Variants in ARHGEF4 observed in about 807,000 individuals in gnomAD.
The protein encoded by ARHGEF4 is APC-stimulated guanine nucleotide exchange factor 1.
In ARHGEF4, 119 loss-of-function variants were observed where a neutral mutation model predicts 162.0. That is an observed-to-expected ratio of 0.73 (90% CI 0.63 to 0.86). The LOEUF (loss-of-function observed/expected upper bound fraction) is 0.86. ARHGEF4 is among the 40% of genes least tolerant of loss of function. The pLI is 0.00. For synonymous variants in ARHGEF4, 1,014 were observed against 979.9 expected, an observed-to-expected ratio of 1.03 and a Z score of -0.65; for missense variants, 2,488 against 2,456.0, an observed-to-expected ratio of 1.01 and a Z score of -0.28.
chr2:130,911,278 C>T (rs1448260015), intron 1 of ARHGEF4, among the ~76,000 whole-genome samples: 1 of 152,186 alleles, frequency 6.6e-6, no homozygotes, highest in African/African-American at 2.4e-5. Context: ...CCTAAAGCCT[C>T]ATCTAGTTAT....
intron 3 of ARHGEF4, among the ~76,000 whole-genome samples, chr2:130,936,259 A>G (rs1344586213): frequency 6.6e-6 from 1 of 152,164 alleles, no homozygotes; most frequent in African/African-American, 2.4e-5. Context: ...ATGTCCGTTT[A>G]TTATTGGAAG....
chr2:130,882,727 G>A (rs922114677), intron 1 of ARHGEF4, among the ~76,000 whole-genome samples: 3 of 151,868 alleles, frequency 2.0e-5, no homozygotes, highest in African/African-American at 4.9e-5. Flanking sequence ...GACTTCACCC[G>A]TACCCTCTCT....
intron 1 of ARHGEF4, among the ~76,000 whole-genome samples, chr2:130,913,365 T>A (rs1681306738): frequency 6.6e-6 from 1 of 152,258 alleles, no homozygotes; most frequent in African/African-American, 2.4e-5. Flanking sequence ...TATATCTCAA[T>A]AAGTAGTTTA....
rs779356694 is a variant in ARHGEF4, at chr2:130,915,561, G to A, written c.1615G>A (p.Asp539Asn). The change falls in exon 2 of 14, where the codon GAC becomes AAC. Residue 539 changes from aspartate (D) to asparagine (N), a missense_variant. By Grantham distance (23) the Asp-to-Asn change is conservative (BLOSUM62 1). Transcript: ENST00000409359. ...TGAGGGGACCCAGGTGTGGAGTGGA[G>A]ACTTGATGGGCTGCTTGGAAGTGAG... ...SSEGTQVWSG[D>N]LMGCLEVSDS... 7.1e-6 allele frequency: 11 copies of A among 1,550,574 alleles called. 1 individual carries two copies. The South Asian group carries it at 1.3e-4, about 18-fold the overall frequency.
rs555383632 is a variant in ARHGEF4 at position 130,904,219 on chromosome 2, TG to T, written c.40-9766del. Among the ~76,000 whole-genome samples the T allele has an allele frequency of 1.6e-4, 25 of 152,348 alleles. No homozygotes were observed. The East Asian group carries it at 4.6e-3, about 28-fold the overall frequency. On this transcript the variant is annotated intron_variant, in intron 1 of 13. Coordinates refer to ENST00000409359, the MANE Select transcript of ARHGEF4 (RefSeq NM_001367493.1). ...CTTTAGGAACAGCCATCCTGACTGG[TG>T]CATCTCTCTGCTGTCTTGGTGTTGG... is the stretch of plus-strand genomic sequence containing the variant.
chr2:131,033,761 C>A (rs1337086359), intron 5 of ARHGEF4, among the ~76,000 whole-genome samples: 2 of 152,148 alleles, frequency 1.3e-5, no homozygotes. Flanking sequence ...GTACACCAGG[C>A]GGATGGGCCC....
intron 4 of ARHGEF4, among the ~76,000 whole-genome samples, chr2:131,002,821 A>G (rs1687872017): frequency 6.6e-6 from 1 of 151,536 alleles, no homozygotes; most frequent in African/African-American, 2.4e-5. Flanking sequence ...GACAGTCTGA[A>G]TGAACTGTTG....
At chr2:130,890,886 C>T (rs1322327939) in intron 1 of ARHGEF4, among the ~76,000 whole-genome samples, 2 of 152,058 alleles carry the variant, frequency 1.3e-5, no homozygotes, top group Admixed American at 6.6e-5. Flanking sequence ...TCATGTCTCT[C>T]GAAGAGATAA....
intron 4 of ARHGEF4, among the ~76,000 whole-genome samples, chr2:130,992,471 G>T (rs569944006): frequency 1.3e-5 from 2 of 151,878 alleles, no homozygotes; most frequent in Admixed American, 1.3e-4. Context: ...CTCCAGATGC[G>T]CTGCCTTAAG....
At chr2:130,857,173 G>C (rs994802517) in intron 1 of ARHGEF4, among the ~76,000 whole-genome samples, 2 of 152,052 alleles carry the variant, frequency 1.3e-5, no homozygotes, top group African/African-American at 4.8e-5. Flanking sequence ...CGAAGCTTGC[G>C]GTGAGCCGAG....
intron 5 of ARHGEF4, among the ~76,000 whole-genome samples, chr2:131,036,792 C>T (rs1690320005): frequency 6.6e-6 from 1 of 152,224 alleles, no homozygotes; most frequent in Admixed American, 6.5e-5. Flanking sequence ...TCCTGACAGC[C>T]TGTGTCACAG....
intron 1 of ARHGEF4, among the ~76,000 whole-genome samples, chr2:130,876,461 G>A (rs1285363660): frequency 1.3e-5 from 2 of 152,060 alleles, no homozygotes; most frequent in South Asian, 2.1e-4. Flanking sequence ...GCGCGATCTC[G>A]GCTCACTGCA....
rs142713895 is a variant in ARHGEF4 at position 130,937,715 on chromosome 2, G to A, written c.3858+6458G>A. Among the ~76,000 whole-genome samples, 904 of 148,674 alleles carry A rather than the reference G, an allele frequency of 6.1e-3. 8 individuals carry two copies. The highest frequency in any genetic ancestry group is 0.021 in the African/African-American group (872 of 40,654). ...CAGAATGTCGCTCTGTCACCCAGAC[G>A]GGAGTGCAGTGGTGCGATCTCGGCT... On this transcript the variant is annotated intron_variant, in intron 3 of 13. Transcript: ENST00000409359.
intron 3 of ARHGEF4, among the ~76,000 whole-genome samples, chr2:130,933,712 C>G (rs889973203): frequency 7.2e-5 from 11 of 152,072 alleles, no homozygotes; most frequent in Non-Finnish European, 1.3e-4. Flanking sequence ...TTTTTAAAAG[C>G]TTCATTTTGG....
chr2:131,035,133 C>G (rs1255476868), intron 5 of ARHGEF4: 3 of 1,186,740 alleles, frequency 2.5e-6, no homozygotes, highest in East Asian at 3.6e-5. Context: ...CCGCGGCGCC[C>G]GGGAACGCCC....
At chr2:131,023,293 TGTG>T (rs780096053) in intron 4 of ARHGEF4, among the ~76,000 whole-genome samples, 6 of 151,380 alleles carry the variant, frequency 4.0e-5, no homozygotes, top group East Asian at 1.9e-4. Context: ...ATTAGGCAAG[TGTG>T]GTGGTGTGAG....
intron 4 of ARHGEF4, among the ~76,000 whole-genome samples, chr2:131,023,421 A>T (rs923654813): frequency 6.6e-6 from 1 of 152,146 alleles, no homozygotes; most frequent in Non-Finnish European, 1.5e-5. Context: ...CAACAAAGCA[A>T]GACCTCATCT....
Position 130,915,832 on chromosome 2 carries a change from G to A in ARHGEF4, c.1886G>A (p.Gly629Asp), listed in dbSNP as rs1013444084. 3 of 1,532,982 alleles carry A rather than the reference G, an allele frequency of 2.0e-6. No homozygotes were observed. Among genetic ancestry groups the A allele is most frequent in the Non-Finnish European group, 1.8e-6 (2 of 1,138,404 alleles). The allele number at this position is 1,532,982 out of a possible 1,614,324, so 95.0% of individuals were successfully genotyped here. Residue 629 changes from glycine (G) to aspartate (D), a missense_variant, in exon 2 of 14, where the codon GGC becomes GAC. Gly to Asp is a moderately conservative substitution (Grantham distance 94, BLOSUM62 -1). Transcript: ENST00000409359. Reference sequence around the variant, plus strand: ...GGCGGCGAGGCCTCGAGGGGCAGGGGCGCCCTCATCATTGTAGCTGTGGAG... The same window carrying A: ...GGCGGCGAGGCCTCGAGGGGCAGGGACGCCCTCATCATTGTAGCTGTGGAG... ...KAGGEASRGRGALIIVAVEQK... is the reference protein window; with the variant it reads ...KAGGEASRGRDALIIVAVEQK...
intron 1 of ARHGEF4, among the ~76,000 whole-genome samples, chr2:130,868,881 C>T (rs1013435512): frequency 2.6e-5 from 4 of 152,190 alleles, no homozygotes; most frequent in African/African-American, 9.7e-5. Flanking sequence ...TTCCAGTGGC[C>T]GCCTACATTC....
Sources: gnomAD v4.1 joint callset for allele counts (sites outside exome capture counted in the v4.1 genomes callset) on GRCh38, gnomAD v4.1.1 for gene constraint, MANE v1.5 for transcripts, NCBI Gene and HGNC (gene_info 2026-07-23, HGNC 2026-07-21) for gene names.